Variants in AGBL4 observed in about 807,000 individuals in gnomAD.
The protein encoded by AGBL4 is cytosolic carboxypeptidase 6.
Under a neutral mutation model 66.4 loss-of-function variants are expected in AGBL4, and 58 were observed. That is an observed-to-expected ratio of 0.87 (90% CI 0.71 to 1.09). AGBL4 has a LOEUF of 1.09. AGBL4 is among the 50% of genes least tolerant of loss of function. The probability of loss-of-function intolerance (pLI) is 0.00; values close to 1 mark genes in which losing one functional copy is unlikely to be tolerated. For synonymous variants in AGBL4, 234 were observed against 222.9 expected (o/e 1.05, Z -0.44); for missense variants, 579 against 631.0 (o/e 0.92, Z 0.88).
At chr1:49,754,296 GTT>G (rs200656390) in intron 2 of AGBL4, among the ~76,000 whole-genome samples, 42 of 145,340 alleles carry the variant, frequency 2.9e-4, no homozygotes, top group African/African-American at 8.4e-4. Flanking sequence ...TATTTTTAAT[GTT>G]TTTTTTTTAT....
chr1:48,559,038 A>T (rs1041909182), intron 11 of AGBL4, among the ~76,000 whole-genome samples: 2 of 152,172 alleles, frequency 1.3e-5, no homozygotes, highest in Admixed American at 6.5e-5. Context: ...ACAGGGGCAG[A>T]TTGTTCTTAT....
At position 49,226,808 on chromosome 1, in the gene AGBL4, G is replaced by A. The variant is rs554118153; in HGVS notation, c.377+18962C>T. ...GTACATGTCCTTTAAAGTTGTCTTAGTCCATTTGTGATGCTATTAACAAAA... is the reference window on the plus strand; with the variant it reads ...GTACATGTCCTTTAAAGTTGTCTTAATCCATTTGTGATGCTATTAACAAAA... On this transcript the variant is annotated intron_variant, in intron 4 of 13. Transcript: ENST00000371839. Among the ~76,000 whole-genome samples, 32 of 152,114 alleles carry A rather than the reference G, an allele frequency of 2.1e-4. 1 individual carries two copies. The East Asian group carries it at 6.0e-3, about 28-fold the overall frequency.
At chr1:48,983,651 T>G (rs1571158553) in intron 5 of AGBL4, among the ~76,000 whole-genome samples, 1 of 152,228 alleles carries the variant, frequency 6.6e-6, no homozygotes, top group Non-Finnish European at 1.5e-5. Context: ...GAGCAAATGT[T>G]AATCGAGGAA....
At chr1:48,985,213 A>G (rs2148970054) in intron 5 of AGBL4, among the ~76,000 whole-genome samples, 1 of 152,254 alleles carries the variant, frequency 6.6e-6, no homozygotes, top group South Asian at 2.1e-4. Context: ...GAGAGTTTAT[A>G]GGCCAGGGCA....
intron 4 of AGBL4, among the ~76,000 whole-genome samples, chr1:49,130,943 T>C (rs1384763700): frequency 6.6e-6 from 1 of 152,172 alleles, no homozygotes; most frequent in Non-Finnish European, 1.5e-5. Flanking sequence ...TAAAATTGTA[T>C]GCCTTCAAAA....
In AGBL4 at chr1:48,896,028, G is replaced by A. The variant is rs997497337; in HGVS notation, c.595-28798C>T. On this transcript the variant is annotated intron_variant, in intron 5 of 13. Coordinates refer to ENST00000371839, the MANE Select transcript of AGBL4 (RefSeq NM_032785.4). ...TTGCAGGTTGCCATTCAAAAATGGC[G>A]ATGGCAATAATAATGCCTTTCTCCC... is the stretch of plus-strand genomic sequence containing the variant. Among the ~76,000 whole-genome samples the A allele has an allele frequency of 2.0e-5, 3 of 152,184 alleles. No homozygotes were observed. The East Asian group carries it at 5.8e-4, about 29-fold the overall frequency.
At chr1:49,561,637 T>C (rs1353444738) in intron 3 of AGBL4, among the ~76,000 whole-genome samples, 1 of 152,102 alleles carries the variant, frequency 6.6e-6, no homozygotes, top group African/African-American at 2.4e-5. Context: ...GGACATGAAC[T>C]CATCATTTTT....
At chr1:49,622,750 A>T (rs1016649043) in intron 3 of AGBL4, among the ~76,000 whole-genome samples, 1 of 152,238 alleles carries the variant, frequency 6.6e-6, no homozygotes, top group South Asian at 2.1e-4. Flanking sequence ...CCATTCACAT[A>T]TAAAACGCTC....
chr1:48,837,719 A>AC (rs1646716219), intron 6 of AGBL4, among the ~76,000 whole-genome samples: 4 of 121,680 alleles, frequency 3.3e-5, no homozygotes, highest in South Asian at 2.5e-4. Flanking sequence ...CACTATATAT[A>AC]TATATATATA....
At chr1:49,070,327 C>T (rs939961872) in intron 4 of AGBL4, among the ~76,000 whole-genome samples, 3 of 151,882 alleles carry the variant, frequency 2.0e-5, no homozygotes, top group African/African-American at 7.3e-5. Flanking sequence ...AAAGGGAATA[C>T]TTCCAGTTTT....
chr1:49,833,126 G>C (rs1645743416), intron 2 of AGBL4, among the ~76,000 whole-genome samples: 1 of 152,090 alleles, frequency 6.6e-6, no homozygotes, highest in African/African-American at 2.4e-5. Context: ...TATGGTTTTA[G>C]GTCTAAGGTT....
intron 6 of AGBL4, among the ~76,000 whole-genome samples, chr1:48,862,783 T>C (rs1228612510): frequency 6.6e-6 from 1 of 152,200 alleles, no homozygotes; most frequent in Non-Finnish European, 1.5e-5. Flanking sequence ...TGCATGCTTT[T>C]AAGCTTATAT....
At chr1:49,384,255 A>T (rs1481024212) in intron 3 of AGBL4, among the ~76,000 whole-genome samples, 1 of 152,148 alleles carries the variant, frequency 6.6e-6, no homozygotes, top group Non-Finnish European at 1.5e-5. Flanking sequence ...AATGATAAAA[A>T]ATTCGGATTC....
In AGBL4 at chr1:49,823,778, ATGTGTG is replaced by A. The variant is rs10528873; in HGVS notation, c.157+27612_157+27617del. 1.4e-4 allele frequency among the ~76,000 whole-genome samples: 20 copies of A among 147,580 alleles called. No individual in the cohort carries two copies. The East Asian group carries it at 2.0e-3, about 15-fold the overall frequency. ...TCTATTCTTCCATTAAGGCTGCATA[ATGTGTG>A]TGTGTGTGTGTGTGTGTGTGTGTGT... is the stretch of plus-strand genomic sequence containing the variant. On this transcript the variant is annotated intron_variant, in intron 2 of 13. Coordinates refer to ENST00000371839, the MANE Select transcript of AGBL4 (RefSeq NM_032785.4).
chr1:49,264,317 T>G (rs1366078830), intron 3 of AGBL4, among the ~76,000 whole-genome samples: 2 of 152,180 alleles, frequency 1.3e-5, no homozygotes, highest in East Asian at 3.8e-4. Flanking sequence ...TTTAAAAATT[T>G]AAATAACTTT....
intron 2 of AGBL4, among the ~76,000 whole-genome samples, chr1:49,726,157 T>A (rs1294018804): frequency 2.6e-5 from 4 of 152,146 alleles, no homozygotes; most frequent in Non-Finnish European, 5.9e-5. Context: ...AGTAGAAGTT[T>A]ATCAGATCAA....
intron 3 of AGBL4, among the ~76,000 whole-genome samples, chr1:49,621,112 T>C (rs1645352466): frequency 6.6e-6 from 1 of 152,222 alleles, no homozygotes; most frequent in Non-Finnish European, 1.5e-5. Flanking sequence ...TTTTCACTTC[T>C]TTTATCTAGG....
intron 6 of AGBL4, among the ~76,000 whole-genome samples, chr1:48,681,536 T>C (rs934550182): frequency 6.6e-6 from 1 of 152,140 alleles, no homozygotes; most frequent in African/African-American, 2.4e-5. Flanking sequence ...GAGCCCTCAG[T>C]GGCAGCAGGA....
chr1:49,521,728 C>G (rs1296974143), intron 3 of AGBL4, among the ~76,000 whole-genome samples: 1 of 152,048 alleles, frequency 6.6e-6, no homozygotes, highest in Non-Finnish European at 1.5e-5. Flanking sequence ...CTAAGAATAT[C>G]ATTTTGAACA....
Sources: gnomAD v4.1 joint callset for allele counts (sites outside exome capture counted in the v4.1 genomes callset) on GRCh38, gnomAD v4.1.1 for gene constraint, MANE v1.5 for transcripts, NCBI Gene and HGNC (gene_info 2026-07-23, HGNC 2026-07-21) for gene names.